The following IL17RD variants were observed in gnomAD, a reference collection of about 807,000 sequenced individuals.
IL17RD encodes the protein interleukin 17 receptor D.
Under a neutral mutation model 80.5 loss-of-function variants are expected in IL17RD, and 52 were observed. The ratio of observed to expected loss-of-function variants is 0.65; its 90% CI spans 0.52 to 0.81. The LOEUF (loss-of-function observed/expected upper bound fraction) is 0.81, where lower values mean the gene tolerates loss of function less well. IL17RD is among the 40% of genes least tolerant of loss of function. The probability of loss-of-function intolerance (pLI) is 0.00; values close to 1 mark genes in which losing one functional copy is unlikely to be tolerated. For missense variants in IL17RD, 1,024 were observed against 955.1 expected, an observed-to-expected ratio of 1.07 and a Z score of -0.95; for synonymous variants, 416 against 391.8, an observed-to-expected ratio of 1.06 and a Z score of -0.73.
chr3:57,146,019 A>ACACACACACTCACGCGCGCGCG (rs1330466380), intron 1 of IL17RD, among the ~76,000 whole-genome samples: 2 of 143,174 alleles, frequency 1.4e-5, no homozygotes, highest in South Asian at 4.4e-4. Flanking sequence ...GCGTGCGCGC[A>ACACACACACTCACGCGCGCGCG]CACACACACT....
chr3:57,112,411 A>G (rs1407984767), intron 3 of IL17RD, among the ~76,000 whole-genome samples: 1 of 152,200 alleles, frequency 6.6e-6, no homozygotes, highest in African/African-American at 2.4e-5. Flanking sequence ...ATGCTTTTCT[A>G]CCTTCCAAGA....
At chr3:57,124,730 G>A (rs1434653773) in intron 1 of IL17RD, among the ~76,000 whole-genome samples, 2 of 152,150 alleles carry the variant, frequency 1.3e-5, no homozygotes, top group Non-Finnish European at 2.9e-5. Context: ...TAAGGTTTTG[G>A]TAATTTATTA....
chr3:57,127,295 AATATATAT>A (rs1192313491), intron 1 of IL17RD, among the ~76,000 whole-genome samples: 1 of 87,842 alleles, frequency 1.1e-5, no homozygotes, highest in Non-Finnish European at 2.0e-5. Flanking sequence ...AATATATATA[AATATATAT>A]AAAAATATAT....
At chr3:57,103,310 C>A (rs146879098) in intron 8 of IL17RD, among the ~76,000 whole-genome samples, 165 bp from the exon 9 acceptor site, 1 of 152,268 alleles carries the variant, frequency 6.6e-6, no homozygotes, top group Non-Finnish European at 1.5e-5. Flanking sequence ...ATGGCTGAGA[C>A]TAGGCATCAT....
At chr3:57,154,772 T>C (rs2060256627) in intron 1 of IL17RD, among the ~76,000 whole-genome samples, 1 of 152,190 alleles carries the variant, frequency 6.6e-6, no homozygotes, top group Non-Finnish European at 1.5e-5. Flanking sequence ...TTCTGCTTAA[T>C]TTTGGTAAAA....
chr3:57,125,093 T>G (rs780500708), intron 1 of IL17RD, among the ~76,000 whole-genome samples: 41 of 152,212 alleles, frequency 2.7e-4, no homozygotes, highest in Non-Finnish European at 3.2e-4. Context: ...GGTAAATTTC[T>G]GAACCTCCCT....
intron 12 of IL17RD, among the ~76,000 whole-genome samples, chr3:57,097,264 A>G (rs1390304048): frequency 6.6e-6 from 1 of 152,148 alleles, no homozygotes. Flanking sequence ...CGCATCCACA[A>G]ACTGTTACCC....
chr3:57,165,181 C>T lies in IL17RD; in HGVS notation c.106G>A (p.Ala36Thr). Reference protein sequence around the residue: ...AAGGSGRARGADTCGWRGVGP... With the variant: ...AAGGSGRARGTDTCGWRGVGP... Reference sequence around the variant, plus strand: ...CTTACCCTCCAGCCACAGGTGTCGGCGCCCCGCGCGCGGCCGGACCCGCCA... The same window carrying T: ...CTTACCCTCCAGCCACAGGTGTCGGTGCCCCGCGCGCGGCCGGACCCGCCA... The change falls in exon 1 of 13, where the codon GCC becomes ACC. Residue 36 changes from alanine (A) to threonine (T), a missense_variant. By Grantham distance (58) the Ala-to-Thr change is moderately conservative. Transcript: ENST00000296318. The T allele has an allele frequency of 6.5e-7, 1 of 1,526,792 alleles. No individual in the cohort carries two copies. The allele number at this position is 1,526,792 out of a possible 1,614,324, so 94.6% of individuals were successfully genotyped here.
chr3:57,097,648 G>C lies in IL17RD; in HGVS notation c.2055C>G (p.Asp685Glu), dbSNP rs1453905813. ...CCGTCAGGGAAGACGTTTCTGTCTG[G>C]TCCGTCGAGAGTCCTTCCATCAGTG... ...SLPLMEGLST[D>E]QTETSSLTES... Residue 685 changes from aspartate (D) to glutamate (E), a missense_variant, in exon 12 of 13, where the codon GAC (aspartate) becomes GAG (glutamate). Transcript: ENST00000296318. 1 of 1,598,204 alleles carries C rather than the reference G, an allele frequency of 6.3e-7. No individual in the cohort carries two copies. The highest frequency in any genetic ancestry group is 8.5e-7 in the Non-Finnish European group (1 of 1,172,826).
chr3:57,149,519 A>T (rs1293063524), intron 1 of IL17RD, among the ~76,000 whole-genome samples: 4 of 152,236 alleles, frequency 2.6e-5, no homozygotes, highest in Non-Finnish European at 5.9e-5. Flanking sequence ...AAGCTCCATG[A>T]TATCACCATG....
At chr3:57,120,621 G>C (rs1707316015) in intron 1 of IL17RD, among the ~76,000 whole-genome samples, 1 of 152,226 alleles carries the variant, frequency 6.6e-6, no homozygotes, top group Non-Finnish European at 1.5e-5. Context: ...TTGGGAGAGA[G>C]ACCAAGAGCT....
chr3:57,139,841 C>A (rs1707797140), intron 1 of IL17RD, among the ~76,000 whole-genome samples: 1 of 152,130 alleles, frequency 6.6e-6, no homozygotes, highest in Admixed American at 6.5e-5. Flanking sequence ...TTACACAAAT[C>A]TCTGAGCAAA....
intron 5 of IL17RD, among the ~76,000 whole-genome samples, chr3:57,107,181 A>G (rs991948165): frequency 1.3e-5 from 2 of 152,272 alleles, no homozygotes; most frequent in East Asian, 1.9e-4. Flanking sequence ...GATCAAGACC[A>G]TCCTGGCTAA....
chr3:57,103,240 T>C (rs1706878783), intron 8 of IL17RD, 95 bp from the exon 9 acceptor site: 10 of 1,108,062 alleles, frequency 9.0e-6, no homozygotes, highest in East Asian at 5.1e-5. Flanking sequence ...TTTCCATCAG[T>C]GGGCAGTGCG....
At chr3:57,124,903 A>G (rs75128365) in intron 1 of IL17RD, among the ~76,000 whole-genome samples, 2,376 of 152,282 alleles carry the variant, frequency 0.016, 38 homozygotes, top group Middle Eastern at 0.044. Context: ...CCCAAGCTTC[A>G]GGCAGGCATA....
intron 8 of IL17RD, among the ~76,000 whole-genome samples, chr3:57,103,737 C>G (rs1176138202): frequency 6.6e-6 from 1 of 151,916 alleles, no homozygotes; most frequent in Non-Finnish European, 1.5e-5. Flanking sequence ...GGGAGTTTCA[C>G]TCTTTCACCC....
chr3:57,114,649 T>G, intron 3 of IL17RD, 43 bp downstream of exon 3: 1 of 1,552,348 alleles, frequency 6.4e-7, no homozygotes, highest in African/African-American at 1.4e-5. Flanking sequence ...CTGGGCCCTA[T>G]CCACCCAGGT....
intron 1 of IL17RD, among the ~76,000 whole-genome samples, chr3:57,135,104 T>C (rs939214412): frequency 6.6e-6 from 1 of 151,680 alleles, no homozygotes; most frequent in Non-Finnish European, 1.5e-5. Context: ...CAAGACCTTG[T>C]CTCAAAACAA....
intron 9 of IL17RD, among the ~76,000 whole-genome samples, 166 bp from the exon 10 acceptor site, chr3:57,102,755 T>C (rs944782730): frequency 1.3e-5 from 2 of 152,230 alleles, no homozygotes; most frequent in South Asian, 2.1e-4. Flanking sequence ...AAGGTTCATA[T>C]TTAAAGAGTT....
Sources: gnomAD v4.1 joint callset for allele counts (sites outside exome capture counted in the v4.1 genomes callset) on GRCh38, gnomAD v4.1.1 for gene constraint, MANE v1.5 for transcripts, NCBI Gene and HGNC (gene_info 2026-07-23, HGNC 2026-07-21) for gene names.